The following PLA2G4A variants were observed in gnomAD, a reference collection of about 807,000 sequenced individuals.
The protein encoded by PLA2G4A is cytosolic phospholipase A2.
In PLA2G4A, 40 loss-of-function variants were observed where a neutral mutation model predicts 81.9. The observed-to-expected ratio is 0.49, with a 90% CI of 0.38 to 0.64. The LOEUF (loss-of-function observed/expected upper bound fraction) is 0.64. Among genes scored for constraint, PLA2G4A ranks in the 30% least tolerant of loss-of-function variants. The pLI is 0.00. For missense variants in PLA2G4A, 715 were observed against 905.1 expected (o/e 0.79, Z 2.69); for synonymous variants, 302 against 296.9 (o/e 1.02, Z -0.18).
intron 17 of PLA2G4A, among the ~76,000 whole-genome samples, chr1:186,988,075 A>G (rs1463618055): frequency 6.6e-6 from 1 of 152,230 alleles, no homozygotes; most frequent in Non-Finnish European, 1.5e-5. Context: ...GGCAAAGAGC[A>G]GAACCAACAT....
At chr1:186,959,609 C>A (rs1288595512) in intron 14 of PLA2G4A, among the ~76,000 whole-genome samples, 1 of 152,112 alleles carries the variant, frequency 6.6e-6, no homozygotes, top group African/African-American at 2.4e-5. Context: ...GCCAACATTG[C>A]TAAAAATAAT....
At chr1:186,943,506 T>A (rs970620570) in intron 10 of PLA2G4A, among the ~76,000 whole-genome samples, 3 of 152,274 alleles carry the variant, frequency 2.0e-5, no homozygotes, top group Non-Finnish European at 4.4e-5. Flanking sequence ...CATGGAAAAA[T>A]TCCTATAATA....
intron 2 of PLA2G4A, among the ~76,000 whole-genome samples, chr1:186,858,623 A>C (rs1019454457): frequency 2.0e-4 from 30 of 152,126 alleles, no homozygotes; most frequent in African/African-American, 6.8e-4. Flanking sequence ...TCATCTGGAC[A>C]TCTAAGGTTC....
At position 186,925,283 on chromosome 1, in the gene PLA2G4A, T is replaced by G. The variant is rs553668721; in HGVS notation, c.559-7480T>G. The stretch of plus-strand genomic sequence containing the variant: ...TTTCTGTGCCTTGTATAGAGAGGAC[T>G]TACATATGTTTGTGTATTGAGAGGA... On this transcript the variant is annotated intron_variant, in intron 7 of 17. Transcript: ENST00000367466. Among the ~76,000 whole-genome samples the G allele has an allele frequency of 2.2e-3, 333 of 152,288 alleles. 1 individual carries two copies. Among genetic ancestry groups the G allele is most frequent in the African/African-American group, 7.6e-3 (316 of 41,562 alleles).
chr1:186,966,961 A>G (rs1443204656), intron 15 of PLA2G4A, among the ~76,000 whole-genome samples: 1 of 152,160 alleles, frequency 6.6e-6, no homozygotes, highest in African/African-American at 2.4e-5. Flanking sequence ...ATGAGTATGT[A>G]GGATTTTTTT....
At chr1:186,949,819 TGA>T (rs1224340951) in intron 12 of PLA2G4A, among the ~76,000 whole-genome samples, 1 of 150,824 alleles carries the variant, frequency 6.6e-6, no homozygotes, top group Non-Finnish European at 1.5e-5. Context: ...TCCAGGAGTT[TGA>T]GACCAGCCTA....
intron 3 of PLA2G4A, among the ~76,000 whole-genome samples, chr1:186,883,456 A>C (rs1248629894): frequency 6.6e-6 from 1 of 152,154 alleles, no homozygotes; most frequent in South Asian, 2.1e-4. Flanking sequence ...AATGCATGTC[A>C]TGTGATATGA....
intron 3 of PLA2G4A, chr1:186,870,841 T>G (rs1653240700): frequency 2.8e-6 from 2 of 708,666 alleles, no homozygotes; most frequent in Non-Finnish European, 4.7e-6. Flanking sequence ...TCTGCCTTCT[T>G]CAAATGTGGT....
chr1:186,831,009 TCTTTCTTTCTTTTTCTTTCTTTCTTA>T lies in PLA2G4A; in HGVS notation c.-70+1979_-70+2004del, dbSNP rs1175256530. ...TTCTTTCTTTCTTTCTTTCTTTCTTTCTTTCTTTCTTTTTCTTTCTTTCTTACTTTTTCTTTCTTTTCTTTTTCTTT... is the reference window on the plus strand; with the variant it reads ...TTCTTTCTTTCTTTCTTTCTTTCTTTCTTTTTCTTTCTTTTCTTTTTCTTT... On this transcript the variant is annotated intron_variant, in intron 1 of 17. Transcript: ENST00000367466. 1.0e-4 allele frequency among the ~76,000 whole-genome samples: 15 copies of T among 146,336 alleles called. No homozygotes were observed. In the East Asian group the frequency reaches 3.0e-3, roughly 29 times the overall value.
intron 5 of PLA2G4A, among the ~76,000 whole-genome samples, chr1:186,906,556 T>C (rs1389791250): frequency 1.3e-5 from 2 of 152,232 alleles, no homozygotes; most frequent in Non-Finnish European, 2.9e-5. Context: ...AGGTTGATTC[T>C]AACCTCTGGG....
At position 186,970,443 on chromosome 1, in the gene PLA2G4A, G is replaced by A. The variant is rs937161546; in HGVS notation, c.1764+4850G>A. 1.9e-4 allele frequency among the ~76,000 whole-genome samples: 29 copies of A among 152,046 alleles called. 1 individual carries two copies. Among genetic ancestry groups the A allele is most frequent in the African/African-American group, 6.3e-4 (26 of 41,518 alleles). On this transcript the variant is annotated intron_variant, in intron 15 of 17. Coordinates refer to ENST00000367466, the MANE Select transcript of PLA2G4A (RefSeq NM_024420.3). ...CCATTTGTTCATTTTTGCTTTGGTT[G>A]CCTGTGCATCTGAGGTCTTATTCAA...
At chr1:186,970,415 A>G (rs1415582601) in intron 15 of PLA2G4A, among the ~76,000 whole-genome samples, 3 of 151,884 alleles carry the variant, frequency 2.0e-5, no homozygotes, top group Non-Finnish European at 4.4e-5. Context: ...GTTTGATGTG[A>G]TCCCATTTGT....
intron 1 of PLA2G4A, among the ~76,000 whole-genome samples, chr1:186,847,896 T>G (rs1349973388): frequency 6.6e-6 from 1 of 152,022 alleles, no homozygotes; most frequent in African/African-American, 2.4e-5. Flanking sequence ...TTGGGAAATA[T>G]AAAGGACACA....
At chr1:186,962,638 C>T (rs1440276907) in intron 14 of PLA2G4A, among the ~76,000 whole-genome samples, 1 of 152,102 alleles carries the variant, frequency 6.6e-6, no homozygotes, top group Non-Finnish European at 1.5e-5. Flanking sequence ...TCTCCTGCCT[C>T]AGCCTCAGAG....
chr1:186,852,987 A>G (rs1652425910), intron 1 of PLA2G4A, among the ~76,000 whole-genome samples: 1 of 152,008 alleles, frequency 6.6e-6, no homozygotes. Flanking sequence ...ATGATAAGAT[A>G]AAAGTATTTG....
chr1:186,830,991 T>A (rs891404339), intron 1 of PLA2G4A, among the ~76,000 whole-genome samples: 7 of 149,046 alleles, frequency 4.7e-5, no homozygotes, highest in African/African-American at 1.8e-4. Context: ...TCTTTCTTTC[T>A]TTCTTTCTTT....
At chr1:186,859,935 A>G (rs1452548262) in intron 2 of PLA2G4A, among the ~76,000 whole-genome samples, 1 of 152,170 alleles carries the variant, frequency 6.6e-6, no homozygotes, top group African/African-American at 2.4e-5. Flanking sequence ...ATGAAATAAG[A>G]TATTTTTAGA....
intron 7 of PLA2G4A, among the ~76,000 whole-genome samples, chr1:186,929,010 C>T (rs991655607): frequency 5.3e-5 from 8 of 152,152 alleles, no homozygotes; most frequent in Non-Finnish European, 1.2e-4. Context: ...AACATTATTT[C>T]AGAATGAGCA....
In PLA2G4A at chr1:186,988,444, C is replaced by G. The variant is rs1484628968; in HGVS notation, c.2186C>G (p.Ser729Cys). ...CAGAATCCATCTCGTTGCTCTGTTT[C>G]CCTTAGTAATGTTGAGGCAAGAAGA... is the stretch of plus-strand genomic sequence containing the variant. ...RRQNPSRCSV[S>C]LSNVEARRFF... is the part of the protein sequence containing the mutation. Residue 729 changes from serine (S) to cysteine (C), a missense_variant, in exon 18 of 18, where the codon TCC becomes TGC. Transcript: ENST00000367466. The G allele has an allele frequency of 6.2e-7, 1 of 1,611,316 alleles. No homozygotes were observed. Among genetic ancestry groups the G allele is most frequent in the African/African-American group, 1.3e-5 (1 of 74,968 alleles).
Sources: allele counts gnomAD v4.1 joint callset (sites outside exome capture counted in the v4.1 genomes callset), GRCh38; gene constraint gnomAD v4.1.1; transcripts MANE v1.5; gene names NCBI Gene and HGNC (gene_info 2026-07-23, HGNC 2026-07-21).